Variants in PHKB observed in about 807,000 individuals in gnomAD.
The protein encoded by PHKB is phosphorylase b kinase regulatory subunit beta.
PHKB carries 122 observed loss-of-function variants against 152.1 expected under a neutral mutation model. The ratio of observed to expected loss-of-function variants is 0.80; its 90% CI spans 0.69 to 0.93. The LOEUF (loss-of-function observed/expected upper bound fraction) is 0.93. Ranked by LOEUF, PHKB falls within the 40% of genes least tolerant of loss-of-function variation. The probability of loss-of-function intolerance (pLI) is 0.00; values close to 1 mark genes in which losing one functional copy is unlikely to be tolerated. For synonymous variants in PHKB, 436 were observed against 464.9 expected, an observed-to-expected ratio of 0.94 and a Z score of 0.80; for missense variants, 1,304 against 1,328.4, an observed-to-expected ratio of 0.98 and a Z score of 0.29.
intron 6 of PHKB, among the ~76,000 whole-genome samples, chr16:47,515,963 C>T (rs1282936841): frequency 1.3e-5 from 2 of 148,328 alleles, no homozygotes; most frequent in African/African-American, 5.0e-5. Flanking sequence ...GAGTCTTGCT[C>T]TGTCACGGGG....
intron 23 of PHKB, among the ~76,000 whole-genome samples, chr16:47,663,303 T>C (rs752229411): frequency 6.6e-6 from 1 of 152,200 alleles, no homozygotes; most frequent in Non-Finnish European, 1.5e-5. Context: ...TGAAAACTCA[T>C]ATATATTAGA....
chr16:47,625,195 G>C (rs538536339), intron 14 of PHKB, among the ~76,000 whole-genome samples: 17 of 152,276 alleles, frequency 1.1e-4, no homozygotes, highest in African/African-American at 4.1e-4. Flanking sequence ...TCTGCCCCGT[G>C]CAAGTCATCT....
intron 10 of PHKB, among the ~76,000 whole-genome samples, chr16:47,591,642 TGAACTCTTA>T (rs1972030815): frequency 6.6e-6 from 1 of 152,162 alleles, no homozygotes; most frequent in South Asian, 2.1e-4. Flanking sequence ...ATTCTGGCTG[TGAACTCTTA>T]GCTTCAGCTA....
Position 47,610,918 on chromosome 16 carries a change from C to G in PHKB, c.1456C>G (p.Gln486Glu), listed in dbSNP as rs1435899360. 3.3e-6 allele frequency: 5 copies of G among 1,536,236 alleles called. No individual in the cohort carries two copies. The highest frequency in any genetic ancestry group is 4.5e-6 in the Non-Finnish European group (5 of 1,109,060). Reference protein sequence around the residue: ...QRNVSMRFSNQGPLENDLVVH... With the variant: ...QRNVSMRFSNEGPLENDLVVH... ...TAACGTGAGCATGAGGTTTTCCAATCAGGTAAAGAATTATTCTATTTCTTG... is the reference window on the plus strand; with the variant it reads ...TAACGTGAGCATGAGGTTTTCCAATGAGGTAAAGAATTATTCTATTTCTTG... Residue 486 changes from glutamine to glutamate, a missense_variant and splice_region_variant, in exon 14 of 31, where the codon CAG becomes GAG. By Grantham distance (29) the Gln-to-Glu change is conservative (BLOSUM62 2). Coordinates refer to ENST00000323584, the MANE Select transcript of PHKB (RefSeq NM_000293.3).
intron 5 of PHKB, among the ~76,000 whole-genome samples, chr16:47,513,491 C>CA (rs1374984856): frequency 2.6e-5 from 4 of 152,192 alleles, no homozygotes; most frequent in Non-Finnish European, 1.5e-5. Flanking sequence ...TGGACCTTGA[C>CA]AAGACCCTGA....
At chr16:47,679,599 G>C (rs1204817464) in intron 26 of PHKB, among the ~76,000 whole-genome samples, 1 of 152,178 alleles carries the variant, frequency 6.6e-6, no homozygotes, top group Non-Finnish European at 1.5e-5. Context: ...AAGAATGCTT[G>C]TGATTTTGCA....
chr16:47,487,612 G>A (rs150163890), intron 1 of PHKB, among the ~76,000 whole-genome samples: 1 of 152,180 alleles, frequency 6.6e-6, no homozygotes, highest in Non-Finnish European at 1.5e-5. Context: ...CACCCTCAAA[G>A]AGGCCTCTGT....
At position 47,694,853 on chromosome 16, in the gene PHKB, C is replaced by A. The variant is rs576945278; in HGVS notation, c.2895+1346C>A. On this transcript the variant is annotated intron_variant, in intron 28 of 30. Transcript: ENST00000323584. ...CCCCCACTAATACTTACCAGATTTT[C>A]ATTTAATTGTCTGGCAGTCTGGGCC... is the stretch of plus-strand genomic sequence containing the variant. Among the ~76,000 whole-genome samples the A allele has an allele frequency of 1.1e-4, 16 of 152,342 alleles. No homozygotes were observed. In the South Asian group the frequency reaches 3.3e-3, roughly 32 times the overall value.
At chr16:47,678,174 G>C (rs1181162947) in intron 26 of PHKB, among the ~76,000 whole-genome samples, 1 of 151,810 alleles carries the variant, frequency 6.6e-6, no homozygotes, top group Middle Eastern at 3.2e-3. Context: ...TATCATTGTT[G>C]GACATTTGGG....
intron 7 of PHKB, among the ~76,000 whole-genome samples, chr16:47,556,878 G>A (rs546726205): frequency 2.0e-5 from 3 of 152,232 alleles, no homozygotes; most frequent in African/African-American, 4.8e-5. Flanking sequence ...GGTAGAATTC[G>A]GCTGTGAATC....
intron 1 of PHKB, among the ~76,000 whole-genome samples, chr16:47,465,992 T>C (rs985541830): frequency 6.6e-6 from 1 of 152,228 alleles, no homozygotes; most frequent in African/African-American, 2.4e-5. Flanking sequence ...GAAAAATTTA[T>C]TTTCAATGTA....
intron 16 of PHKB, among the ~76,000 whole-genome samples, chr16:47,646,409 T>G: frequency 9.5e-6 from 1 of 105,240 alleles, no homozygotes; most frequent in Admixed American, 9.7e-5. Flanking sequence ...AGGGATAGCA[T>G]TGGGAGATAT....
At chr16:47,587,942 A>G (rs1250198091) in intron 9 of PHKB, among the ~76,000 whole-genome samples, 179 bp downstream of exon 9, 1 of 152,206 alleles carries the variant, frequency 6.6e-6, no homozygotes, top group African/African-American at 2.4e-5. Context: ...CAAGTGGACA[A>G]GAGTTGTGGA....
chr16:47,485,241 G>A lies in PHKB; in HGVS notation c.77-12158G>A, dbSNP rs138070186. On this transcript the variant is annotated intron_variant, in intron 1 of 30. Coordinates refer to ENST00000323584, the MANE Select transcript of PHKB (RefSeq NM_000293.3). ...TTTATTCCATAATATTTTAAATTTC[G>A]GTGTATGGTGGAACTGTGCAGAAAA... Among the ~76,000 whole-genome samples, 265 of 152,002 alleles carry A rather than the reference G, an allele frequency of 1.7e-3. 2 individuals are homozygous for A. In the Middle Eastern group the frequency reaches 0.027, roughly 16 times the overall value.
intron 1 of PHKB, among the ~76,000 whole-genome samples, chr16:47,469,632 T>G (rs1597008568): frequency 6.6e-6 from 1 of 151,624 alleles, no homozygotes; most frequent in African/African-American, 2.4e-5. Context: ...AGGGCAGGGG[T>G]TGAAAAACTA....
At chr16:47,587,254 G>T (rs1272132828) in intron 8 of PHKB, among the ~76,000 whole-genome samples, 24 of 152,080 alleles carry the variant, frequency 1.6e-4, no homozygotes. Context: ...CATCTAGATT[G>T]TATCTAAATT....
At chr16:47,688,696 T>C (rs988671466) in intron 26 of PHKB, among the ~76,000 whole-genome samples, 49 of 151,526 alleles carry the variant, frequency 3.2e-4, no homozygotes, top group Non-Finnish European at 6.3e-4. Flanking sequence ...TTTTTTTTTT[T>C]TTGGCATGTA....
intron 28 of PHKB, among the ~76,000 whole-genome samples, chr16:47,694,590 G>A (rs904208932): frequency 6.6e-6 from 1 of 152,138 alleles, no homozygotes; most frequent in Non-Finnish European, 1.5e-5. Flanking sequence ...TAAAAAAAAT[G>A]CATAAAAACT....
At chr16:47,489,532 A>G (rs533791343) in intron 1 of PHKB, among the ~76,000 whole-genome samples, 1 of 152,362 alleles carries the variant, frequency 6.6e-6, no homozygotes, top group East Asian at 1.9e-4. Context: ...TCTGTTCCAC[A>G]AGGAATCTCA....
Sources: allele counts gnomAD v4.1 joint callset (sites outside exome capture counted in the v4.1 genomes callset), GRCh38; gene constraint gnomAD v4.1.1; transcripts MANE v1.5; gene names NCBI Gene and HGNC (gene_info 2026-07-23, HGNC 2026-07-21).